Variants in TRIM49C observed in about 807,000 individuals in gnomAD.
The protein encoded by TRIM49C is tripartite motif containing 49C.
A neutral mutation model predicts 21.4 loss-of-function variants in TRIM49C; 6 were observed. The observed-to-expected ratio is 0.28, with a 90% CI of 0.15 to 0.55. TRIM49C has a LOEUF of 0.55. Among genes scored for constraint, TRIM49C ranks in the 20% least tolerant of loss-of-function variants. The pLI is 0.94. For missense variants in TRIM49C, 161 were observed against 442.4 expected (o/e 0.36, Z 5.71); for synonymous variants, 57 against 148.1 (o/e 0.38, Z 4.47).
chr11:90,071,741 G>T, the TRIM49C span: 17 of 1,272,356 alleles, frequency 1.3e-5, 1 homozygote, highest in South Asian at 2.5e-5. Context: ...TGAATCCAGA[G>T]CTCCCTACAG....
At chr11:90,053,036 G>T in the TRIM49C span, among the ~76,000 whole-genome samples, 7 of 140,048 alleles carry the variant, frequency 5.0e-5, no homozygotes, top group East Asian at 4.4e-4. Context: ...AAAGCCCTCC[G>T]TCCTCAACGT....
At chr11:90,063,061 A>G in the TRIM49C span, 4 of 1,376,306 alleles carry the variant, frequency 2.9e-6, no homozygotes, top group South Asian at 4.7e-5. Context: ...TACCCCGATG[A>G]AAAGGAAAAA....
the TRIM49C span, among the ~76,000 whole-genome samples, chr11:90,055,458 T>G: frequency 6.7e-6 from 1 of 149,784 alleles, no homozygotes; most frequent in Non-Finnish European, 1.5e-5. Flanking sequence ...TCTATTTGGT[T>G]GAGGTTCAGC....
chr11:90,039,006 G>A (rs1193106393), intron 6 of TRIM49C, among the ~76,000 whole-genome samples: 1 of 137,562 alleles, frequency 7.3e-6, no homozygotes, highest in African/African-American at 2.6e-5. Flanking sequence ...TGCAAGCTCC[G>A]CCTCCCGGGT....
downstream of TRIM49C, among the ~76,000 whole-genome samples, chr11:90,046,319 T>C (rs1950801351): frequency 7.9e-6 from 1 of 125,914 alleles, no homozygotes; most frequent in South Asian, 2.9e-4. Flanking sequence ...GGATTCCCTC[T>C]TTTTCTATTG....
intron 4 of TRIM49C, among the ~76,000 whole-genome samples, chr11:90,037,077 ATGT>A: frequency 3.8e-3 from 1 of 260 alleles, no homozygotes; most frequent in African/African-American, 6.1e-3. Context: ...GTATATATGT[ATGT>A]ATGTATGTAT....
downstream of TRIM49C, among the ~76,000 whole-genome samples, chr11:90,043,339 G>A (rs1302104055): frequency 1.5e-5 from 2 of 133,150 alleles, no homozygotes; most frequent in Non-Finnish European, 3.2e-5. Context: ...GATGCAGCAC[G>A]ATGGCTCGTG....
At chr11:90,062,841 G>A in the TRIM49C span, 1 of 1,390,200 alleles carries the variant, frequency 7.2e-7, no homozygotes, top group Non-Finnish European at 9.5e-7. Context: ...TCTGCATGAA[G>A]GGCAGCGCAT....
chr11:90,048,273 C>A, the TRIM49C span, among the ~76,000 whole-genome samples: 5 of 113,244 alleles, frequency 4.4e-5, 2 homozygotes, highest in Non-Finnish European at 8.7e-5. Context: ...TGAGGAGTAT[C>A]TTTGTGGTAT....
chr11:90,071,120 C>T, the TRIM49C span: 4 of 492,584 alleles, frequency 8.1e-6, no homozygotes, highest in Non-Finnish European at 1.6e-5. Flanking sequence ...CTAAAGGAGT[C>T]GTTTTCTCTC....
At chr11:90,053,135 G>A in the TRIM49C span, 1 of 139,532 alleles carries the variant, frequency 7.2e-6, no homozygotes, top group Non-Finnish European at 1.6e-5. Flanking sequence ...TTCAAAGAAA[G>A]ACTCCAGGGG....
the TRIM49C span, among the ~76,000 whole-genome samples, chr11:90,059,983 G>A: frequency 2.0e-4 from 27 of 138,200 alleles, no homozygotes; most frequent in East Asian, 5.8e-3. Context: ...TTTGTATTAA[G>A]ATCTGTGGGG....
rs748897739 is a variant in TRIM49C at position 90,035,435 on chromosome 11, C to A, written c.224C>A (p.Ser75Tyr). 6.7e-7 allele frequency: 1 copy of A among 1,494,880 alleles called. No individual in the cohort carries two copies. The highest frequency in any genetic ancestry group is 9.0e-7 in the Non-Finnish European group (1 of 1,109,742). 92.6% of individuals were successfully genotyped at this position (1,494,880 alleles called of 1,614,324 possible). Residue 75 changes from serine (S) to tyrosine (Y), a missense_variant, in exon 3 of 8, where the codon TCT (serine) becomes TAT (tyrosine). Around this residue, in one of 3 missense-constraint regions of TRIM49C, gnomAD observed 80 missense variants for 314.8 expected, o/e 0.25. Transcript: ENST00000448984. ...KTNIHLKKMA[S>Y]LARKVSLWLF... Reference sequence around the variant, plus strand: ...AACATTCATTTGAAGAAGATGGCTTCTCTTGCCAGAAAAGTCAGTCTCTGG... The same window carrying A: ...AACATTCATTTGAAGAAGATGGCTTATCTTGCCAGAAAAGTCAGTCTCTGG...
chr11:90,065,715 G>A, the TRIM49C span, among the ~76,000 whole-genome samples: 1 of 140,698 alleles, frequency 7.1e-6, no homozygotes, highest in South Asian at 2.4e-4. Context: ...CCAGCACTGT[G>A]GGAGGCCCAC....
the TRIM49C span, among the ~76,000 whole-genome samples, chr11:90,056,104 G>A: frequency 7.4e-6 from 1 of 135,106 alleles, no homozygotes. Context: ...GACTACAGGC[G>A]CCCGCCACCG....
the TRIM49C span, chr11:90,052,136 C>T: frequency 2.3e-6 from 1 of 443,756 alleles, no homozygotes; most frequent in South Asian, 2.9e-5. Context: ...TCGGCAGAGC[C>T]CCAGGACCCC....
chr11:90,061,833 C>G, the TRIM49C span: 1 of 290,694 alleles, frequency 3.4e-6, no homozygotes, highest in South Asian at 3.7e-5. Flanking sequence ...CCTGTTATAT[C>G]AATTGAAATC....
At chr11:90,072,274 C>T in the TRIM49C span, among the ~76,000 whole-genome samples, 10 of 147,460 alleles carry the variant, frequency 6.8e-5, 1 homozygote, top group East Asian at 1.6e-3. Flanking sequence ...AATGCAAACA[C>T]TGAGAATCTG....
chr11:90,071,320 G>A, the TRIM49C span, among the ~76,000 whole-genome samples: 1 of 140,894 alleles, frequency 7.1e-6, no homozygotes, highest in Non-Finnish European at 1.5e-5. Flanking sequence ...TGTTTGTGTG[G>A]TATGTTGAAT....
Sources: gnomAD v4.1 joint callset for allele counts (sites outside exome capture counted in the v4.1 genomes callset) on GRCh38, gnomAD v4.1.1 for gene constraint, gnomAD v4.1.1 regional missense constraint, MANE v1.5 for transcripts, NCBI Gene and HGNC (gene_info 2026-07-23, HGNC 2026-07-21) for gene names.